THSD7A: variants seen among roughly 807,000 people sequenced by gnomAD.
THSD7A encodes thrombospondin type 1 domain containing 7A.
A neutral mutation model predicts 231.3 loss-of-function variants in THSD7A; 96 were observed. That is an observed-to-expected ratio of 0.41 (90% CI 0.35 to 0.49). The LOEUF (loss-of-function observed/expected upper bound fraction) is 0.49, where lower values mean the gene tolerates loss of function less well. Ranked by LOEUF, THSD7A falls within the 20% of genes least tolerant of loss-of-function variation. THSD7A has a pLI of 0.05. For synonymous variants in THSD7A, 940 were observed against 743.3 expected (o/e 1.26, Z -4.30); for missense variants, 2,290 against 2,070.2 (o/e 1.11, Z -2.06).
At chr7:11,417,366 T>C (rs1783995030) in intron 17 of THSD7A, 84 bp downstream of exon 17, 1 of 1,298,622 alleles carries the variant, frequency 7.7e-7, no homozygotes, top group Non-Finnish European at 1.0e-6. Context: ...TTGAAGTTAT[T>C]ATATTCAAAA....
At chr7:11,731,591 T>G (rs1313781912) in intron 1 of THSD7A, among the ~76,000 whole-genome samples, 1 of 151,652 alleles carries the variant, frequency 6.6e-6, no homozygotes, top group East Asian at 1.9e-4. Flanking sequence ...TGTTTTATCC[T>G]GCAGTGTATT....
chr7:11,495,758 A>G (rs1787070492), intron 6 of THSD7A, among the ~76,000 whole-genome samples: 1 of 152,186 alleles, frequency 6.6e-6, no homozygotes, highest in Non-Finnish European at 1.5e-5. Flanking sequence ...TGAGTTTCAT[A>G]GATAATGTGC....
chr7:11,781,550 C>T (rs1373240866), intron 1 of THSD7A, among the ~76,000 whole-genome samples: 4 of 152,120 alleles, frequency 2.6e-5, no homozygotes, highest in Non-Finnish European at 4.4e-5. Context: ...AATAACTTGT[C>T]CCCAGAAGTC....
At chr7:11,408,816 G>A (rs910623864) in intron 19 of THSD7A, among the ~76,000 whole-genome samples, 2 of 152,056 alleles carry the variant, frequency 1.3e-5, no homozygotes, top group African/African-American at 4.8e-5. Flanking sequence ...ACTTGACAGA[G>A]CTGAGTATTT....
chr7:11,637,705 T>G lies in THSD7A; in HGVS notation c.191-744A>C, dbSNP rs1045524811. ...TTTGGGGTCTTATTTATTTATTCAT[T>G]TCTTAAACATGAACTATTTGGTATT... is the stretch of plus-strand genomic sequence containing the variant. On this transcript the variant is annotated intron_variant, in intron 1 of 27. Transcript: ENST00000423059. This position sits in a 1 kb window ranked among gnomAD's most constrained non-coding sequence, Gnocchi z 4.2. Among the ~76,000 whole-genome samples, 2 of 152,218 alleles carry G rather than the reference T, an allele frequency of 1.3e-5. No individual in the cohort carries two copies. The highest frequency in any genetic ancestry group is 4.8e-5 in the African/African-American group (2 of 41,454).
intron 1 of THSD7A, chr7:11,820,900 T>G (rs1784855236): frequency 3.4e-6 from 3 of 895,276 alleles, no homozygotes; most frequent in Non-Finnish European, 5.4e-6. Flanking sequence ...TCTCGGGAAT[T>G]CACTGATTCT....
rs188655430 is a variant in THSD7A at position 11,547,231 on chromosome 7, A to T, written c.1454-4114T>A. ...AAGTACACAGATTATTGACACTATA[A>T]AGCAACTACAAAAACAAATCTAGAC... On this transcript the variant is annotated intron_variant, in intron 4 of 27. Transcript: ENST00000423059. 7.2e-5 allele frequency among the ~76,000 whole-genome samples: 11 copies of T among 152,310 alleles called. No homozygotes were observed. In the East Asian group the frequency reaches 2.1e-3, roughly 29 times the overall value.
intron 23 of THSD7A, among the ~76,000 whole-genome samples, chr7:11,383,595 A>G (rs935910861): frequency 1.3e-5 from 2 of 152,022 alleles, no homozygotes; most frequent in Admixed American, 6.6e-5. Context: ...AACACTCATG[A>G]AAATTTATAA....
intron 4 of THSD7A, among the ~76,000 whole-genome samples, chr7:11,562,470 C>G (rs1216221157): frequency 6.6e-6 from 1 of 152,108 alleles, no homozygotes; most frequent in Non-Finnish European, 1.5e-5. Flanking sequence ...CACTCAAAAC[C>G]TCCTGATACG....
chr7:11,474,206 C>G lies in THSD7A; in HGVS notation c.2252+128G>C. On this transcript the variant is annotated intron_variant, in intron 8 of 27. Coordinates refer to ENST00000423059, the MANE Select transcript of THSD7A (RefSeq NM_015204.3). The surrounding 1 kb of genome is among the most constrained non-coding windows in gnomAD (Gnocchi z 4.1). ...ATCAGTGGCTGACTTTCAAAACAAA[C>G]AAATCTTGCTCTTGAGGACAGGTAT... is the stretch of plus-strand genomic sequence containing the variant. 1.3e-6 allele frequency: 1 copy of G among 747,494 alleles called. No homozygotes were observed. The highest frequency in any genetic ancestry group is 1.8e-5 in the African/African-American group (1 of 56,226). 46.3% of individuals were successfully genotyped at this position (747,494 alleles called of 1,614,324 possible). A position where few individuals can be genotyped will look rare whatever the true frequency, so the allele number is the denominator to read the frequency against.
At chr7:11,596,971 T>C (rs1780384955) in intron 2 of THSD7A, among the ~76,000 whole-genome samples, 1 of 152,348 alleles carries the variant, frequency 6.6e-6, no homozygotes, top group African/African-American at 2.4e-5. Context: ...CAGGGGTATA[T>C]CAACTCTCCA....
In THSD7A at chr7:11,809,065, G is replaced by A. The variant is rs191493204; in HGVS notation, c.190+22692C>T. Among the ~76,000 whole-genome samples, 7 of 152,226 alleles carry A rather than the reference G, an allele frequency of 4.6e-5. No homozygotes were observed. In the East Asian group the frequency reaches 1.4e-3, roughly 29 times the overall value. On this transcript the variant is annotated intron_variant, in intron 1 of 27. Coordinates refer to ENST00000423059, the MANE Select transcript of THSD7A (RefSeq NM_015204.3). ...ATTATTTAAGCTAAATTAAGTTTAA[G>A]TAATTTATTCATTCATCAACCATGT...
At chr7:11,526,409 C>T (rs1788475235) in intron 6 of THSD7A, among the ~76,000 whole-genome samples, 1 of 152,150 alleles carries the variant, frequency 6.6e-6, no homozygotes, top group African/African-American at 2.4e-5. Flanking sequence ...TATACTCTAT[C>T]CACTGTGCCC....
rs777354313 is a variant in THSD7A at position 11,481,831 on chromosome 7, T to C, written c.1974A>G (p.Lys658=). ...CCAGAATGGATCGTGCTCGTATCTG[T>C]TTCCCTTCTGTCGTTTTCCCTGAGC... ...HTCSGKTTEG[K]QIRARSILAY... is the part of the protein sequence containing the mutation. The change falls in exon 7 of 28, where the codon AAA becomes AAG. Residue 658 remains lysine (K), a synonymous_variant. Coordinates refer to ENST00000423059, the MANE Select transcript of THSD7A (RefSeq NM_015204.3). 1.2e-6 allele frequency: 2 copies of C among 1,613,566 alleles called. No homozygotes were observed. The highest frequency in any genetic ancestry group is 2.7e-5 in the African/African-American group (2 of 74,906).
In THSD7A at chr7:11,814,122, T is replaced by C. The variant is rs577708966; in HGVS notation, c.190+17635A>G. On this transcript the variant is annotated intron_variant, in intron 1 of 27. Transcript: ENST00000423059. This position sits in a 1 kb window ranked among gnomAD's most constrained non-coding sequence, Gnocchi z 5.1. ...AATAGAGAAAAAGTAGATTGGTATT[T>C]GCCCGGGACCTGGGCTGATGGCTCA... Among the ~76,000 whole-genome samples, 258 of 152,300 alleles carry C rather than the reference T, an allele frequency of 1.7e-3. No homozygotes were observed. The highest frequency in any genetic ancestry group is 5.8e-3 in the African/African-American group (241 of 41,570).
intron 7 of THSD7A, among the ~76,000 whole-genome samples, chr7:11,478,150 A>G (rs1226725430): frequency 6.6e-6 from 1 of 152,042 alleles, no homozygotes; most frequent in African/African-American, 2.4e-5. Flanking sequence ...TGTTATCTCC[A>G]TTGCTATACC....
intron 1 of THSD7A, among the ~76,000 whole-genome samples, chr7:11,786,961 G>T (rs1249119501): frequency 6.6e-6 from 1 of 151,628 alleles, no homozygotes; most frequent in South Asian, 2.1e-4. Flanking sequence ...AGTGACATGA[G>T]TGCTTGGCTC....
At chr7:11,556,317 A>G (rs1430424739) in intron 4 of THSD7A, among the ~76,000 whole-genome samples, 2 of 148,270 alleles carry the variant, frequency 1.3e-5, no homozygotes, top group African/African-American at 4.9e-5. Context: ...GTACATATAT[A>G]TACAAGATAT....
At chr7:11,615,740 T>C (rs1252937701) in intron 2 of THSD7A, among the ~76,000 whole-genome samples, 1 of 152,176 alleles carries the variant, frequency 6.6e-6, no homozygotes, top group African/African-American at 2.4e-5. Flanking sequence ...TGTGCAATTG[T>C]AGTCAATGTC....
Sources: allele counts gnomAD v4.1 joint callset (sites outside exome capture counted in the v4.1 genomes callset), GRCh38; gene constraint gnomAD v4.1.1; non-coding constraint Gnocchi (gnomAD v3.1); transcripts MANE v1.5; gene names NCBI Gene and HGNC (gene_info 2026-07-23, HGNC 2026-07-21).